PIWIL3: variants seen among roughly 807,000 people sequenced by gnomAD.
PIWIL3 encodes piwi-like protein 3.
A neutral mutation model predicts 109.7 loss-of-function variants in PIWIL3; 101 were observed. The observed-to-expected ratio is 0.92, with a 90% CI of 0.78 to 1.09. The LOEUF (loss-of-function observed/expected upper bound fraction) is 1.09. Ranked by LOEUF, PIWIL3 falls within the 50% of genes least tolerant of loss-of-function variation. The pLI is 0.00. For synonymous variants in PIWIL3, 373 were observed against 376.4 expected (o/e 0.99, Z 0.10); for missense variants, 1,031 against 1,072.6 (o/e 0.96, Z 0.54).
intron 16 of PIWIL3, among the ~76,000 whole-genome samples, chr22:24,727,327 GA>G (rs1310185618): frequency 6.6e-6 from 1 of 152,146 alleles, no homozygotes; most frequent in Non-Finnish European, 1.5e-5. Flanking sequence ...GTAATTACAT[GA>G]GCTCCTTTAA....
Position 24,749,742 on chromosome 22 carries a change from AC to A in PIWIL3, c.1166del (p.Gly389ValfsTer9), listed in dbSNP as rs1403787297. 1 of 1,613,766 alleles carries A rather than the reference AC, an allele frequency of 6.2e-7. No individual in the cohort carries two copies. Among genetic ancestry groups the A allele is most frequent in the Non-Finnish European group, 8.5e-7 (1 of 1,179,974 alleles). On this transcript the variant is annotated frameshift_variant, in exon 10 of 21. Transcript: ENST00000616349. LOFTEE classifies it high-confidence loss of function. ...TCAGCAGGATAGGTTCACGTTGTGT[AC>A]CCGTTAGGCCCTTTTTCCATCTGCC... ...SQGRWKKGLT[G>X]TQREPILLIP...
intron 12 of PIWIL3, among the ~76,000 whole-genome samples, chr22:24,740,218 C>CAAAAAAAAAAAAAAAAAAAAA (rs71189272): frequency 2.5e-4 from 16 of 63,892 alleles, no homozygotes; most frequent in African/African-American, 7.9e-4. Context: ...GAGACTGTCT[C>CAAAAAAAAAAAAAAAAAAAAA]AAAAAAAAAA....
chr22:24,719,514 C>T lies in PIWIL3; in HGVS notation c.2580G>A (p.Gln860=). 4 of 1,605,644 alleles carry T rather than the reference C, an allele frequency of 2.5e-6. No homozygotes were observed. Among genetic ancestry groups the T allele is most frequent in the South Asian group, 1.1e-5 (1 of 89,200 alleles). The change falls in exon 21 of 21, where the codon CAG becomes CAA. Residue 860 remains glutamine, a synonymous_variant. Transcript: ENST00000616349. ...GAGTTGACAAGGAACGATTCGGTTC[C>T]TGGTGAATGGACTGCCCCACGAGGT... ...LAYLVGQSIH[Q]EPNRSLSTRL...
In PIWIL3 at chr22:24,728,261, T is replaced by C. The variant is rs374944027; in HGVS notation, c.1821A>G (p.Lys607=). The stretch of plus-strand genomic sequence containing the variant: ...TGGTGACGATGGTCCTTGCCTGGAC[T>C]TTTTCTAAGGTCTTTTTCACCACAC... The part of the protein sequence containing the change: ...SQCVVKKTLE[K]VQARTIVTKI... The change falls in exon 15 of 21, where the codon AAA becomes AAG. Residue 607 remains lysine, a synonymous_variant. Transcript: ENST00000616349. The C allele has an allele frequency of 4.3e-6, 7 of 1,614,066 alleles. No homozygotes were observed. Among genetic ancestry groups the C allele is most frequent in the Non-Finnish European group, 5.9e-6 (7 of 1,180,042 alleles).
At chr22:24,761,075 G>GT (rs556635931) in intron 2 of PIWIL3, among the ~76,000 whole-genome samples, 7 of 152,146 alleles carry the variant, frequency 4.6e-5, no homozygotes, top group Non-Finnish European at 2.9e-5. Context: ...TTCTGATGAG[G>GT]TGGGTATGGC....
chr22:24,771,878 TAG>T (rs1031200112), intron 1 of PIWIL3, among the ~76,000 whole-genome samples: 2 of 152,146 alleles, frequency 1.3e-5, no homozygotes, highest in African/African-American at 2.4e-5. Flanking sequence ...GTATCGTTAG[TAG>T]AGACGGGGTT....
chr22:24,728,517 G>A (rs1010192509), intron 14 of PIWIL3, 143 bp from the exon 15 acceptor site: 28 of 809,568 alleles, frequency 3.5e-5, no homozygotes, highest in South Asian at 1.9e-4. Flanking sequence ...CCAAGAGGGC[G>A]AAGGGTCTAG....
chr22:24,772,785 C>T (rs532657192), intron 1 of PIWIL3, among the ~76,000 whole-genome samples: 4 of 152,136 alleles, frequency 2.6e-5, no homozygotes, highest in Non-Finnish European at 5.9e-5. Context: ...ACAATGACAT[C>T]GGGAAGAGAA....
At chr22:24,728,417 A>G in intron 14 of PIWIL3, 43 bp from the exon 15 acceptor site, 1 of 1,610,600 alleles carries the variant, frequency 6.2e-7, no homozygotes, top group South Asian at 1.1e-5. Flanking sequence ...ATACAACAAC[A>G]GTGATACAGG....
At position 24,728,373 on chromosome 22, in the gene PIWIL3, A is replaced by C; in HGVS notation, c.1709T>G (p.Val570Gly). ...GTCATCATTGGGCAGGATACAAATC[A>C]CCTTGAAAACCAGCAAACATGACAT... is the stretch of plus-strand genomic sequence containing the variant. ...RKYTRPTLQMVICILPNDDKR... is the reference protein window; with the variant it reads ...RKYTRPTLQMGICILPNDDKR... Residue 570 changes from valine (V) to glycine (G), a missense_variant and splice_region_variant, in exon 15 of 21, where the codon GTG (valine) becomes GGG (glycine). By Grantham distance (109) the Val-to-Gly change is moderately radical (BLOSUM62 -3). Coordinates refer to ENST00000616349, the MANE Select transcript of PIWIL3 (RefSeq NM_001255975.1). 1 of 1,614,178 alleles carries C rather than the reference A, an allele frequency of 6.2e-7. No homozygotes were observed. Among genetic ancestry groups the C allele is most frequent in the Non-Finnish European group, 8.5e-7 (1 of 1,180,012 alleles).
chr22:24,750,502 T>C (rs979530492), intron 9 of PIWIL3, among the ~76,000 whole-genome samples: 3 of 149,140 alleles, frequency 2.0e-5, no homozygotes, highest in Non-Finnish European at 4.5e-5. Flanking sequence ...TTTTTTTTTT[T>C]TTTGAGATGG....
intron 1 of PIWIL3, among the ~76,000 whole-genome samples, chr22:24,768,265 T>C (rs1016323473): frequency 1.6e-4 from 24 of 151,942 alleles, no homozygotes; most frequent in Non-Finnish European, 2.9e-4. Flanking sequence ...GTTTTTTTTT[T>C]CTTGAGATGG....
intron 16 of PIWIL3, among the ~76,000 whole-genome samples, chr22:24,725,960 C>T (rs941911371): frequency 1.3e-5 from 2 of 152,172 alleles, no homozygotes; most frequent in South Asian, 4.1e-4. Flanking sequence ...AAATGGTATG[C>T]TGTCTCAAGT....
In PIWIL3 at chr22:24,719,318, A is replaced by G. The variant is rs1922522950; in HGVS notation, c.*154T>C. On this transcript the variant is annotated 3_prime_UTR_variant, in exon 21 of 21. Coordinates refer to ENST00000616349, the MANE Select transcript of PIWIL3 (RefSeq NM_001255975.1). The stretch of plus-strand genomic sequence containing the variant: ...ATCAGTCTGTGGTAGTATTGAGAGT[A>G]GAACATATCACTCTGAATCTCTCCT... 5.5e-6 allele frequency: 3 copies of G among 549,136 alleles called. No individual in the cohort carries two copies. Among genetic ancestry groups the G allele is most frequent in the Non-Finnish European group, 9.5e-6 (3 of 315,526 alleles). 34.0% of individuals were successfully genotyped at this position (549,136 alleles called of 1,614,324 possible). A position where few individuals can be genotyped will look rare whatever the true frequency, so the allele number is the denominator to read the frequency against.
intron 4 of PIWIL3, among the ~76,000 whole-genome samples, chr22:24,757,619 C>T (rs557852530): frequency 4.1e-5 from 5 of 123,434 alleles, no homozygotes; most frequent in African/African-American, 1.2e-4. Context: ...TTTACATACA[C>T]ACACACACAC....
intron 8 of PIWIL3, among the ~76,000 whole-genome samples, chr22:24,751,731 T>C (rs1924721491): frequency 6.6e-6 from 1 of 152,218 alleles, no homozygotes; most frequent in African/African-American, 2.4e-5. Context: ...CCATAGGCAG[T>C]CACTTCCCAT....
At chr22:24,767,604 G>A (rs757266296) in intron 1 of PIWIL3, among the ~76,000 whole-genome samples, 1 of 151,080 alleles carries the variant, frequency 6.6e-6, no homozygotes, top group South Asian at 2.1e-4. Flanking sequence ...AGCAGAATAC[G>A]TCCCAAGAAC....
At chr22:24,764,298 C>T (rs1925653667) in intron 1 of PIWIL3, among the ~76,000 whole-genome samples, 1 of 152,244 alleles carries the variant, frequency 6.6e-6, no homozygotes, top group Non-Finnish European at 1.5e-5. Context: ...CTTGCCTCAC[C>T]ATTAACCATT....
At chr22:24,738,943 A>T (rs1923823928) in intron 12 of PIWIL3, among the ~76,000 whole-genome samples, 1 of 152,202 alleles carries the variant, frequency 6.6e-6, no homozygotes, top group African/African-American at 2.4e-5. Flanking sequence ...CAAAATAGCT[A>T]TTTAAGAGGA....
Sources: allele counts gnomAD v4.1 joint callset (sites outside exome capture counted in the v4.1 genomes callset), GRCh38; gene constraint gnomAD v4.1.1; transcripts MANE v1.5; gene names NCBI Gene and HGNC (gene_info 2026-07-23, HGNC 2026-07-21).